Variants in TTLL11 observed in about 807,000 individuals in gnomAD.
TTLL11 encodes the protein tubulin polyglutamylase TTLL11.
TTLL11 carries 42 observed loss-of-function variants against 51.7 expected under a neutral mutation model. The ratio of observed to expected loss-of-function variants is 0.81; its 90% confidence interval spans 0.64 to 1.05. The LOEUF (loss-of-function observed/expected upper bound fraction) is 1.05, where lower values mean the gene tolerates loss of function less well. Ranked by LOEUF, TTLL11 falls within the 50% of genes least tolerant of loss-of-function variation. The pLI is 0.00. For synonymous variants in TTLL11, 381 were observed against 383.5 expected (o/e 0.99, Z 0.08); for missense variants, 799 against 940.4 (o/e 0.85, Z 1.97).
intron 6 of TTLL11, among the ~76,000 whole-genome samples, chr9:121,873,639 CCTCTCTTCTTCTTCT>C (rs1334295672): frequency 8.2e-5 from 4 of 48,866 alleles, no homozygotes; most frequent in African/African-American, 1.1e-4. Context: ...TCCTCCTCCT[CCTCTCTTCTTCTTCT>C]TCTTCTTCTT....
chr9:122,020,263 T>C (rs1844128547), intron 3 of TTLL11, among the ~76,000 whole-genome samples: 1 of 152,206 alleles, frequency 6.6e-6, no homozygotes. Context: ...GGTAAACTCA[T>C]TATACAAAAT....
chr9:121,860,309 G>A (rs1588076108), intron 8 of TTLL11, 28 bp downstream of exon 8: 2 of 1,528,526 alleles, frequency 1.3e-6, no homozygotes, highest in Non-Finnish European at 1.8e-6. Context: ...GACCCCCACA[G>A]GCCATGGCAG....
intron 7 of TTLL11, among the ~76,000 whole-genome samples, chr9:121,862,282 C>CTT (rs1366023267): frequency 6.6e-6 from 1 of 151,900 alleles, no homozygotes; most frequent in African/African-American, 2.4e-5. Flanking sequence ...TGACTGGAAT[C>CTT]TTTTCTAGCT....
intron 6 of TTLL11, among the ~76,000 whole-genome samples, chr9:121,895,423 C>T (rs12350105): frequency 0.34 from 50,421 of 149,626 alleles, 8,928 homozygotes; most frequent in East Asian, 0.52. Context: ...CATGAGTGTG[C>T]GCTGCGTGTG....
intron 1 of TTLL11, among the ~76,000 whole-genome samples, chr9:122,086,377 T>G (rs1040127595): frequency 6.6e-6 from 1 of 152,238 alleles, no homozygotes; most frequent in East Asian, 1.9e-4. Flanking sequence ...ATTAAAATAA[T>G]GTATCTGTGG....
chr9:121,841,063 G>A (rs1172603625), intron 8 of TTLL11, among the ~76,000 whole-genome samples: 1 of 152,112 alleles, frequency 6.6e-6, no homozygotes, highest in African/African-American at 2.4e-5. Context: ...GGGAGGGCAG[G>A]GAGAAGGGTC....
At chr9:122,055,718 A>C (rs1407927028) in intron 1 of TTLL11, among the ~76,000 whole-genome samples, 1 of 152,232 alleles carries the variant, frequency 6.6e-6, no homozygotes, top group Non-Finnish European at 1.5e-5. Context: ...CTTTTTACCT[A>C]TGCTGTCAAA....
chr9:121,921,264 G>T (rs1233146013), intron 6 of TTLL11, among the ~76,000 whole-genome samples: 1 of 152,142 alleles, frequency 6.6e-6, no homozygotes, highest in African/African-American at 2.4e-5. Context: ...CGACAAACAT[G>T]AGTTTCATGC....
chr9:121,862,925 C>A (rs932682737), intron 7 of TTLL11, among the ~76,000 whole-genome samples: 3 of 152,110 alleles, frequency 2.0e-5, no homozygotes, highest in African/African-American at 7.2e-5. Context: ...GCATCAGAGG[C>A]CCCTCTCCAA....
At chr9:121,957,820 C>T (rs900630379) in intron 6 of TTLL11, among the ~76,000 whole-genome samples, 1 of 152,242 alleles carries the variant, frequency 6.6e-6, no homozygotes, top group African/African-American at 2.4e-5. Context: ...GGGTGGGGGT[C>T]GTTGTGGACA....
At chr9:121,968,036 G>T (rs915777893) in intron 6 of TTLL11, among the ~76,000 whole-genome samples, 7 of 152,172 alleles carry the variant, frequency 4.6e-5, no homozygotes, top group Admixed American at 3.9e-4. Flanking sequence ...TTTTGGAGTG[G>T]CAAAACGCTG....
intron 1 of TTLL11, among the ~76,000 whole-genome samples, chr9:122,076,509 A>G (rs544722282): frequency 6.6e-6 from 1 of 152,310 alleles, no homozygotes; most frequent in South Asian, 2.1e-4. Context: ...AGAATGTCTA[A>G]CCATGATACC....
intron 1 of TTLL11, among the ~76,000 whole-genome samples, chr9:122,077,176 G>A (rs757717057): frequency 3.9e-5 from 6 of 152,128 alleles, no homozygotes; most frequent in Non-Finnish European, 8.8e-5. Context: ...GACCCCAGAA[G>A]GTAGGTCTGA....
intron 6 of TTLL11, among the ~76,000 whole-genome samples, chr9:121,950,824 AC>A (rs1456370922): frequency 6.6e-6 from 1 of 152,190 alleles, no homozygotes; most frequent in Non-Finnish European, 1.5e-5. Flanking sequence ...GATGAACCGA[AC>A]CTGGCTCAAA....
At chr9:122,078,425 A>G (rs989302831) in intron 1 of TTLL11, among the ~76,000 whole-genome samples, 5 of 152,198 alleles carry the variant, frequency 3.3e-5, no homozygotes, top group Non-Finnish European at 7.3e-5. Context: ...GTAAAAAGGT[A>G]GCCAAACAAA....
chr9:121,972,341 A>G (rs555879020), intron 6 of TTLL11, among the ~76,000 whole-genome samples: 14 of 152,376 alleles, frequency 9.2e-5, no homozygotes, highest in African/African-American at 3.4e-4. Flanking sequence ...CCAAATAGCA[A>G]TTAATCCATT....
At chr9:121,899,906 A>G (rs1300794705) in intron 6 of TTLL11, among the ~76,000 whole-genome samples, 1 of 152,154 alleles carries the variant, frequency 6.6e-6, no homozygotes, top group African/African-American at 2.4e-5. Context: ...ACCCTTCCAA[A>G]TGTCTCTTAG....
At chr9:122,076,882 T>C (rs182910840) in intron 1 of TTLL11, among the ~76,000 whole-genome samples, 1 of 152,186 alleles carries the variant, frequency 6.6e-6, no homozygotes, top group Non-Finnish European at 1.5e-5. Context: ...CCTAGAAATG[T>C]CTTACTGACA....
chr9:121,857,791 G>A (rs1199240303), intron 8 of TTLL11, among the ~76,000 whole-genome samples: 5 of 152,172 alleles, frequency 3.3e-5, no homozygotes, highest in South Asian at 2.1e-4. Context: ...TCCGCTTACC[G>A]GGAGCAATTT....
Sources: gnomAD v4.1 joint callset for allele counts (sites outside exome capture counted in the v4.1 genomes callset) on GRCh38, gnomAD v4.1.1 for gene constraint, MANE v1.5 for transcripts, NCBI Gene and HGNC (gene_info 2026-07-23, HGNC 2026-07-21) for gene names.